Variants in ZMYM6 observed in about 807,000 individuals in gnomAD.
The protein encoded by ZMYM6 is zinc finger MYM-type protein 6.
ZMYM6 carries 90 observed loss-of-function variants against 134.0 expected under a neutral mutation model. The ratio of observed to expected loss-of-function variants is 0.67; its 90% CI spans 0.57 to 0.80. The LOEUF (loss-of-function observed/expected upper bound fraction) is 0.80, where lower values mean the gene tolerates loss of function less well. ZMYM6 is among the 30% of genes least tolerant of loss of function. The pLI, the probability that ZMYM6 is intolerant of heterozygous loss-of-function variation, is 0.00. For missense variants in ZMYM6, 1,362 were observed against 1,533.9 expected, an observed-to-expected ratio of 0.89 and a Z score of 1.87; for synonymous variants, 481 against 524.1, an observed-to-expected ratio of 0.92 and a Z score of 1.12.
intron 2 of ZMYM6, among the ~76,000 whole-genome samples, chr1:35,025,503 A>AG (rs201939663): frequency 6.7e-5 from 10 of 150,148 alleles, no homozygotes; most frequent in African/African-American, 2.2e-4. Flanking sequence ...GAAAAAAAAA[A>AG]GGTGGCACAA....
Position 34,991,493 on chromosome 1 carries a change from G to A in ZMYM6, c.2146+741C>T, listed in dbSNP as rs1303187577. 2.0e-5 allele frequency among the ~76,000 whole-genome samples: 3 copies of A among 151,312 alleles called. No homozygotes were observed. The East Asian group carries it at 5.8e-4, about 29-fold the overall frequency. On this transcript the variant is annotated intron_variant, in intron 15 of 15. Transcript: ENST00000357182. ...ATTATTAAAAACAAAAATCAGGCCA[G>A]GGGCGGTGGCTCATGCCTGTAATCC... is the stretch of plus-strand genomic sequence containing the variant.
chr1:35,030,827 T>C (rs1317732749), intron 1 of ZMYM6, 114 bp from the exon 2 acceptor site: 1 of 569,580 alleles, frequency 1.8e-6, no homozygotes, highest in Non-Finnish European at 3.0e-6. Context: ...ACAACTCTTC[T>C]GGGGCCACAA....
intron 14 of ZMYM6, among the ~76,000 whole-genome samples, chr1:34,996,233 T>G (rs1001324246): frequency 6.6e-6 from 1 of 152,184 alleles, no homozygotes; most frequent in Admixed American, 6.5e-5. Context: ...TCCTAGTCAA[T>G]AGAGTATTAC....
At chr1:35,019,312 A>G in intron 4 of ZMYM6, 41 bp downstream of exon 4, 3 of 1,613,556 alleles carry the variant, frequency 1.9e-6, no homozygotes, top group South Asian at 2.2e-5. Flanking sequence ...ATACACACTA[A>G]AAAAAAGGTA....
chr1:35,011,154 A>C, intron 8 of ZMYM6, 118 bp from the exon 9 acceptor site: 1 of 1,092,874 alleles, frequency 9.2e-7, no homozygotes, highest in South Asian at 1.7e-5. Context: ...AAAATTTTCT[A>C]TCTCACAGAA....
intron 2 of ZMYM6, among the ~76,000 whole-genome samples, chr1:35,024,538 G>A (rs1343783624): frequency 6.6e-6 from 1 of 152,086 alleles, no homozygotes; most frequent in Non-Finnish European, 1.5e-5. Context: ...CCCAAAACCT[G>A]TAAGTATCCT....
intron 2 of ZMYM6, among the ~76,000 whole-genome samples, chr1:35,024,780 C>T (rs1419533524): frequency 6.6e-6 from 1 of 152,102 alleles, no homozygotes; most frequent in Admixed American, 6.5e-5. Context: ...GTGAAACCTT[C>T]CTCTCCTTCC....
intron 14 of ZMYM6, among the ~76,000 whole-genome samples, chr1:34,996,863 T>A (rs754672682): frequency 1.3e-5 from 2 of 152,306 alleles, no homozygotes; most frequent in South Asian, 2.1e-4. Context: ...TGTAGAGCTA[T>A]TTTTTTCTAA....
At position 34,987,602 on chromosome 1, in the gene ZMYM6, C is replaced by G. The variant is rs761036576; in HGVS notation, c.3480G>C (p.Glu1160Asp). ...KLKMWLKRTQ[E>D]NDYDMFPSFS... ...ATGAAGGGAACATGTCATAATCATT[C>G]TCTTGTGTGCGCTTCAACCACATTT... Residue 1160 changes from glutamate (E) to aspartate (D), a missense_variant, in exon 16 of 16, where the codon GAG becomes GAC. By Grantham distance (45) the Glu-to-Asp change is conservative. This residue lies in a region of ZMYM6 where 824 missense variants were observed against 940.9 expected (regional missense o/e 0.88). Coordinates refer to ENST00000357182, the MANE Select transcript of ZMYM6 (RefSeq NM_007167.4). The G allele has an allele frequency of 6.2e-7, 1 of 1,611,520 alleles. No homozygotes were observed. The highest frequency in any genetic ancestry group is 8.5e-7 in the Non-Finnish European group (1 of 1,178,584).
chr1:35,028,826 C>T (rs1284490647), intron 2 of ZMYM6, among the ~76,000 whole-genome samples: 1 of 151,926 alleles, frequency 6.6e-6, no homozygotes, highest in Admixed American at 6.6e-5. Context: ...GCTCTCCATT[C>T]TGGGTCCCTA....
intron 13 of ZMYM6, 141 bp downstream of exon 13, chr1:35,004,991 G>A: frequency 1.1e-6 from 1 of 897,100 alleles, no homozygotes; most frequent in Non-Finnish European, 1.6e-6. Context: ...CCAGGAGGCG[G>A]TGGTTGCAGT....
intron 14 of ZMYM6, among the ~76,000 whole-genome samples, chr1:34,998,715 G>T (rs1020065706): frequency 3.3e-5 from 5 of 152,160 alleles, no homozygotes; most frequent in Admixed American, 1.3e-4. Context: ...TCATATAAGT[G>T]TAAATGTCAA....
At chr1:35,003,838 A>C in intron 14 of ZMYM6, 130 bp downstream of exon 14, 2 of 754,396 alleles carry the variant, frequency 2.7e-6, no homozygotes, top group Non-Finnish European at 4.4e-6. Context: ...GTTGTGCCCA[A>C]GACCTAGATT....
intron 8 of ZMYM6, 47 bp downstream of exon 8, chr1:35,011,843 C>A (rs776316513): frequency 3.8e-6 from 5 of 1,304,238 alleles, no homozygotes; most frequent in Non-Finnish European, 5.2e-6. Flanking sequence ...TGCCACAGAT[C>A]GATGCCTAAC....
intron 14 of ZMYM6, among the ~76,000 whole-genome samples, chr1:34,998,871 T>C (rs938466368): frequency 5.3e-5 from 8 of 152,098 alleles, no homozygotes; most frequent in African/African-American, 1.4e-4. Context: ...ACCTGTATCC[T>C]AGCATTTTGG....
At chr1:35,006,641 T>C (rs1014326882) in intron 12 of ZMYM6, among the ~76,000 whole-genome samples, 2 of 152,226 alleles carry the variant, frequency 1.3e-5, no homozygotes, top group African/African-American at 2.4e-5. Context: ...AACTAAATAG[T>C]ATATATCCCT....
chr1:35,003,861 C>G (rs1640919990), intron 14 of ZMYM6, 107 bp downstream of exon 14: 4 of 966,610 alleles, frequency 4.1e-6, no homozygotes, highest in Non-Finnish European at 4.8e-6. Context: ...TGACTAGGAC[C>G]CTCTTCCAGC....
rs1257097701 is a variant in ZMYM6, at chr1:35,011,021, G to A, written c.1078C>T (p.Pro360Ser). 1.2e-6 allele frequency: 2 copies of A among 1,613,276 alleles called. No individual in the cohort carries two copies. Among genetic ancestry groups the A allele is most frequent in the Admixed American group, 1.7e-5 (1 of 59,892 alleles). Residue 360 changes from proline (P) to serine (S), a missense_variant, in exon 9 of 16, where the codon CCA becomes TCA. Coordinates refer to ENST00000357182, the MANE Select transcript of ZMYM6 (RefSeq NM_007167.4). ...VVAFQNVFSKPKGTNSSAVPL... is the reference protein window; with the variant it reads ...VVAFQNVFSKSKGTNSSAVPL... ...ACCGCCGAAGAGTTTGTTCCTTTTG[G>A]CTTGCTAAATACATTCTGAATGAAA...
chr1:35,012,691 T>C lies in ZMYM6; in HGVS notation c.796-110A>G, dbSNP rs1384181475. 3.4e-6 allele frequency: 5 copies of C among 1,474,796 alleles called. No individual in the cohort carries two copies. In the East Asian group the frequency reaches 1.3e-4, roughly 38 times the overall value. 91.4% of individuals were successfully genotyped at this position (1,474,796 alleles called of 1,614,324 possible). On this transcript the variant is annotated intron_variant, in intron 6 of 15. Coordinates refer to ENST00000357182, the MANE Select transcript of ZMYM6 (RefSeq NM_007167.4). ...ACAACCACGGTCCTTGGTTGAAATA[T>C]TTGAGCATGATGATGAAACCACACT...
Sources: gnomAD v4.1 joint callset for allele counts (sites outside exome capture counted in the v4.1 genomes callset) on GRCh38, gnomAD v4.1.1 for gene constraint, gnomAD v4.1.1 regional missense constraint, MANE v1.5 for transcripts, NCBI Gene and HGNC (gene_info 2026-07-23, HGNC 2026-07-21) for gene names.